Variants in TUBGCP3 observed in about 807,000 individuals in gnomAD.
TUBGCP3 encodes tubulin gamma complex component 3.
A neutral mutation model predicts 123.1 loss-of-function variants in TUBGCP3; 50 were observed. The ratio of observed to expected loss-of-function variants is 0.41; its 90% CI spans 0.32 to 0.51. The LOEUF (loss-of-function observed/expected upper bound fraction) is 0.51, where lower values mean the gene tolerates loss of function less well. TUBGCP3 is among the 20% of genes least tolerant of loss of function. The pLI is 0.36. For synonymous variants in TUBGCP3, 405 were observed against 413.9 expected (o/e 0.98, Z 0.26); for missense variants, 882 against 1,127.0 (o/e 0.78, Z 3.11).
At chr13:112,539,269 C>T (rs545208162) in intron 11 of TUBGCP3, among the ~76,000 whole-genome samples, 9 of 152,170 alleles carry the variant, frequency 5.9e-5, no homozygotes, top group South Asian at 2.1e-4. Context: ...AGGTATTTGC[C>T]CAGGATACAG....
chr13:112,495,391 T>A (rs1880468781), intron 20 of TUBGCP3, among the ~76,000 whole-genome samples: 1 of 152,214 alleles, frequency 6.6e-6, no homozygotes, highest in Non-Finnish European at 1.5e-5. Context: ...TCACTCTGTC[T>A]CAGGGATGTG....
At chr13:112,516,065 T>C (rs571432925) in intron 17 of TUBGCP3, among the ~76,000 whole-genome samples, 2 of 152,248 alleles carry the variant, frequency 1.3e-5, no homozygotes, top group Non-Finnish European at 2.9e-5. Context: ...ATCTTGACTA[T>C]CTGATACCTA....
intron 1 of TUBGCP3, among the ~76,000 whole-genome samples, chr13:112,583,254 A>T (rs573800275): frequency 2.6e-5 from 4 of 152,342 alleles, no homozygotes; most frequent in African/African-American, 9.6e-5. Flanking sequence ...TATTAAATAC[A>T]TACTATATCT....
chr13:112,576,562 T>C (rs1440026725), intron 1 of TUBGCP3, among the ~76,000 whole-genome samples: 3 of 152,212 alleles, frequency 2.0e-5, no homozygotes, highest in South Asian at 4.1e-4. Context: ...TTAGCTTCAC[T>C]GTGGTAATCA....
chr13:112,560,987 C>T (rs1566579659), intron 3 of TUBGCP3, among the ~76,000 whole-genome samples: 2 of 151,070 alleles, frequency 1.3e-5, no homozygotes, highest in African/African-American at 4.9e-5. Context: ...GTGAACACAG[C>T]AACCTGGCAA....
At position 112,508,119 on chromosome 13, in the gene TUBGCP3, T is replaced by C. The variant is rs757496430; in HGVS notation, c.2087-3405A>G. On this transcript the variant is annotated intron_variant, in intron 17 of 21. Coordinates refer to ENST00000261965, the MANE Select transcript of TUBGCP3 (RefSeq NM_006322.6). The surrounding 1 kb of genome is among the most constrained non-coding windows in gnomAD (Gnocchi z 4.2). Reference sequence around the variant, plus strand: ...TCCCAGCCTCAGCATCCCGCAGCCCTGGCCCCACCAGGTTTGCATTGCTTC... The same window carrying C: ...TCCCAGCCTCAGCATCCCGCAGCCCCGGCCCCACCAGGTTTGCATTGCTTC... Among the ~76,000 whole-genome samples the C allele has an allele frequency of 1.8e-4, 28 of 152,148 alleles. No individual in the cohort carries two copies. Among genetic ancestry groups the C allele is most frequent in the Non-Finnish European group, 3.7e-4 (25 of 68,020 alleles).
At chr13:112,575,645 C>T (rs755226723) in intron 1 of TUBGCP3, among the ~76,000 whole-genome samples, 2 of 152,266 alleles carry the variant, frequency 1.3e-5, no homozygotes, top group African/African-American at 2.4e-5. Flanking sequence ...CAAAACAACA[C>T]ACGCTCTTTT....
the TUBGCP3 span, among the ~76,000 whole-genome samples, chr13:112,599,319 T>C: frequency 6.6e-6 from 1 of 152,218 alleles, no homozygotes; most frequent in African/African-American, 2.4e-5. Context: ...ACCTAATAAA[T>C]GGGTCCTTAC....
intron 19 of TUBGCP3, among the ~76,000 whole-genome samples, chr13:112,502,482 C>T (rs147044980): frequency 2.9e-3 from 436 of 151,256 alleles, no homozygotes; most frequent in African/African-American, 9.9e-3. Flanking sequence ...ACTCCGATAA[C>T]AAGACCAGGG....
chr13:112,559,946 C>T (rs1228188984), intron 3 of TUBGCP3, among the ~76,000 whole-genome samples: 1 of 151,638 alleles, frequency 6.6e-6, no homozygotes, highest in Non-Finnish European at 1.5e-5. Flanking sequence ...ACCAGCCTGG[C>T]CAACATGGCG....
In TUBGCP3 at chr13:112,545,689, C is replaced by T. The variant is rs1878930294; in HGVS notation, c.1335+10G>A. ...AAATCCAAGTCTCAGAACCGAACAC[C>T]GATCCTTACTTCGTGGTAAGTGTCC... On this transcript the variant is annotated intron_variant, in intron 11 of 21. Coordinates refer to ENST00000261965, the MANE Select transcript of TUBGCP3 (RefSeq NM_006322.6). This position sits in a 1 kb window ranked among gnomAD's most constrained non-coding sequence, Gnocchi z 4.1. The T allele has an allele frequency of 4.4e-6, 7 of 1,608,788 alleles. No individual in the cohort carries two copies. The highest frequency in any genetic ancestry group is 2.2e-5 in the East Asian group (1 of 44,712).
At chr13:112,540,010 A>G (rs1350565975) in intron 11 of TUBGCP3, among the ~76,000 whole-genome samples, 18 of 129,904 alleles carry the variant, frequency 1.4e-4, no homozygotes, top group Admixed American at 2.2e-4. Flanking sequence ...ACACCTGGGA[A>G]TGAGGACGTC....
At chr13:112,540,197 G>A (rs57720077) in intron 11 of TUBGCP3, among the ~76,000 whole-genome samples, 23 of 131,550 alleles carry the variant, frequency 1.7e-4, no homozygotes, top group East Asian at 7.6e-4. Context: ...ATACCTGGGA[G>A]TGATGACGTC....
At chr13:112,505,200 A>T (rs749704164) in intron 17 of TUBGCP3, among the ~76,000 whole-genome samples, 12 of 152,140 alleles carry the variant, frequency 7.9e-5, no homozygotes, top group Middle Eastern at 6.8e-3. Context: ...ACGAGCTCAG[A>T]CTCTCCTTTT....
chr13:112,517,406 G>A (rs1367378371), intron 16 of TUBGCP3, among the ~76,000 whole-genome samples: 1 of 152,118 alleles, frequency 6.6e-6, no homozygotes, highest in Non-Finnish European at 1.5e-5. Flanking sequence ...CACTCTTAAT[G>A]AGATCTGTAA....
chr13:112,558,679 A>G (rs566125673), intron 4 of TUBGCP3, among the ~76,000 whole-genome samples: 1 of 152,358 alleles, frequency 6.6e-6, no homozygotes, highest in East Asian at 1.9e-4. Context: ...AAACTTGAAT[A>G]ATTTTTTAAA....
chr13:112,584,951 T>C (rs1882506053), intron 1 of TUBGCP3, among the ~76,000 whole-genome samples: 1 of 152,202 alleles, frequency 6.6e-6, no homozygotes, highest in African/African-American at 2.4e-5. Context: ...ATGTTATAAG[T>C]TGGAAAAGGT....
At chr13:112,566,872 CATG>C (rs1307286022) in intron 2 of TUBGCP3, among the ~76,000 whole-genome samples, 3 of 152,238 alleles carry the variant, frequency 2.0e-5, no homozygotes, top group African/African-American at 7.2e-5. Context: ...TTTTGTCACA[CATG>C]ATGACTTTTG....
In TUBGCP3 at chr13:112,526,501, TCAA is replaced by T. The variant is rs984648090; in HGVS notation, c.1555+438_1555+440del. Among the ~76,000 whole-genome samples, 13 of 135,616 alleles carry T rather than the reference TCAA, an allele frequency of 9.6e-5. 1 individual carries two copies. Among genetic ancestry groups the T allele is most frequent in the Non-Finnish European group, 1.6e-4 (10 of 63,166 alleles). 89.0% of individuals were successfully genotyped at this position (135,616 alleles called of 152,430 possible). On this transcript the variant is annotated intron_variant, in intron 13 of 21. Coordinates refer to ENST00000261965, the MANE Select transcript of TUBGCP3 (RefSeq NM_006322.6). ...CATCACACCATCACCATCATCACCA[TCAA>T]CATCACCACCATCACTGCCACCACC... is the stretch of plus-strand genomic sequence containing the variant.
Sources: gnomAD v4.1 joint callset for allele counts (sites outside exome capture counted in the v4.1 genomes callset) on GRCh38, gnomAD v4.1.1 for gene constraint, Gnocchi (gnomAD v3.1) non-coding constraint, MANE v1.5 for transcripts, NCBI Gene and HGNC (gene_info 2026-07-23, HGNC 2026-07-21) for gene names.